Variants in NRG4 observed in about 807,000 individuals in gnomAD.
The protein encoded by NRG4 is pro-neuregulin-4, membrane-bound isoform.
NRG4 carries 10 observed loss-of-function variants against 15.0 expected under a neutral mutation model. That is an observed-to-expected ratio of 0.67 (90% confidence interval 0.41 to 1.13). The LOEUF (loss-of-function observed/expected upper bound fraction) is 1.13, where lower values mean the gene tolerates loss of function less well. NRG4 is among the 50% of genes most tolerant of loss of function. The pLI is 0.00. For missense variants in NRG4, 139 were observed against 140.2 expected (o/e 0.99, Z 0.04); for synonymous variants, 41 against 50.1 (o/e 0.82, Z 0.77).
intron 3 of NRG4, among the ~76,000 whole-genome samples, chr15:76,006,052 A>G (rs112654132): frequency 9.9e-4 from 151 of 152,330 alleles, no homozygotes; most frequent in South Asian, 8.1e-3. Flanking sequence ...AGCTGGACAG[A>G]TGATGAGAAT....
intron 5 of NRG4, among the ~76,000 whole-genome samples, chr15:76,023,476 T>C (rs2035221639): frequency 6.6e-6 from 1 of 152,122 alleles, no homozygotes; most frequent in Non-Finnish European, 1.5e-5. Flanking sequence ...TTACTACAGG[T>C]GAATCCCACA....
At chr15:76,047,734 C>T (rs1392312898) in intron 4 of NRG4, among the ~76,000 whole-genome samples, 2 of 149,348 alleles carry the variant, frequency 1.3e-5, no homozygotes, top group East Asian at 1.9e-4. Flanking sequence ...TATTTTACCT[C>T]AAAAAAAGTG....
intron 5 of NRG4, among the ~76,000 whole-genome samples, chr15:75,947,667 T>C (rs968056029): frequency 6.6e-6 from 1 of 152,220 alleles, no homozygotes; most frequent in Non-Finnish European, 1.5e-5. Context: ...AGGAGTGGAA[T>C]TGCTAGATAA....
intron 5 of NRG4, among the ~76,000 whole-genome samples, chr15:75,946,585 T>C (rs989665788): frequency 1.4e-4 from 22 of 152,212 alleles, no homozygotes; most frequent in African/African-American, 5.3e-4. Flanking sequence ...GGTCTCGATC[T>C]CCTGACCTCG....
chr15:75,957,030 A>C (rs2032274814), intron 4 of NRG4, among the ~76,000 whole-genome samples: 2 of 152,066 alleles, frequency 1.3e-5, no homozygotes, highest in Admixed American at 1.3e-4. Flanking sequence ...AGACATTTTA[A>C]TACTCATCTT....
chr15:75,950,617 AT>A (rs2031820436), intron 5 of NRG4: 3 of 241,352 alleles, frequency 1.2e-5, no homozygotes, highest in Non-Finnish European at 1.8e-5. Context: ...ATGTGTCAAG[AT>A]TTGGATCTGT....
At chr15:76,046,317 C>T (rs369400298) in intron 4 of NRG4, among the ~76,000 whole-genome samples, 4 of 151,040 alleles carry the variant, frequency 2.6e-5, no homozygotes, top group Admixed American at 1.3e-4. Flanking sequence ...TATCAAAATG[C>T]GAACGGCGTT....
chr15:76,039,944 G>C (rs2035690117), intron 4 of NRG4, among the ~76,000 whole-genome samples: 2 of 152,054 alleles, frequency 1.3e-5, no homozygotes, highest in Admixed American at 1.3e-4. Flanking sequence ...TGAGGCATGA[G>C]AATCATTTGA....
chr15:75,986,652 C>A (rs1235234154), intron 3 of NRG4, among the ~76,000 whole-genome samples: 1 of 151,992 alleles, frequency 6.6e-6, no homozygotes, highest in Admixed American at 6.6e-5. Context: ...TTACTATAAA[C>A]CTTTTATTAT....
chr15:75,959,993 C>G (rs1489849752), intron 4 of NRG4, among the ~76,000 whole-genome samples: 3 of 152,090 alleles, frequency 2.0e-5, no homozygotes, highest in Non-Finnish European at 4.4e-5. Context: ...TAGTAAAGCC[C>G]TGCTTGCCAA....
intron 3 of NRG4, among the ~76,000 whole-genome samples, chr15:75,978,868 A>AT (rs1381467204): frequency 6.6e-6 from 1 of 151,950 alleles, no homozygotes; most frequent in East Asian, 1.9e-4. Context: ...TTACATGTCC[A>AT]TTTTTTTCAA....
chr15:76,042,932 A>C (rs768469117), intron 4 of NRG4, among the ~76,000 whole-genome samples: 1 of 152,178 alleles, frequency 6.6e-6, no homozygotes, highest in Non-Finnish European at 1.5e-5. Context: ...ACCAAATTCA[A>C]CAACATACTA....
chr15:76,013,396 T>C (rs1423874011), upstream of NRG4, among the ~76,000 whole-genome samples: 1 of 152,134 alleles, frequency 6.6e-6, no homozygotes, highest in African/African-American at 2.4e-5. Flanking sequence ...ATGTGCAGAA[T>C]ATGCAGGTTT....
chr15:76,054,605 G>C (rs2036108755), intron 2 of NRG4, among the ~76,000 whole-genome samples: 1 of 152,168 alleles, frequency 6.6e-6, no homozygotes, highest in South Asian at 2.1e-4. Context: ...AGTAGAGACA[G>C]AGTTTCGCCA....
intron 3 of NRG4, among the ~76,000 whole-genome samples, chr15:75,990,314 C>G (rs1225642022): frequency 6.6e-6 from 1 of 152,128 alleles, no homozygotes. Context: ...CCTCTGATCT[C>G]TTTCTCCTCA....
chr15:76,013,112 C>T (rs2034868710), upstream of NRG4, among the ~76,000 whole-genome samples: 1 of 152,080 alleles, frequency 6.6e-6, no homozygotes, highest in East Asian at 1.9e-4. Context: ...TTTTCTAAAA[C>T]GACAATTCAG....
chr15:76,024,498 TGAACAG>T (rs1381835979), intron 5 of NRG4, among the ~76,000 whole-genome samples: 22 of 152,326 alleles, frequency 1.4e-4, no homozygotes, highest in African/African-American at 5.1e-4. Flanking sequence ...TCAGGCCAGC[TGAACAG>T]CTGTGCACCC....
At position 76,045,114 on chromosome 15, in the gene NRG4, G is replaced by A. The variant is rs1040111555; in HGVS notation, c.-105+6953C>T. 4.6e-5 allele frequency among the ~76,000 whole-genome samples: 7 copies of A among 150,844 alleles called. 1 individual carries two copies. Among genetic ancestry groups the A allele is most frequent in the Admixed American group, 3.3e-4 (5 of 15,194 alleles). ...TATAGGAAAAAAACCTGATAATCTG[G>A]TATTAAAATGGACAGAAGATCTGAA... On this transcript the variant is annotated intron_variant, in intron 4 of 8. Coordinates refer to the NRG4 transcript ENST00000563910.
chr15:76,014,460 G>A (rs569343153), upstream of NRG4, among the ~76,000 whole-genome samples: 17 of 152,014 alleles, frequency 1.1e-4, no homozygotes, highest in Non-Finnish European at 2.1e-4. Flanking sequence ...TTCTTTCTAG[G>A]GTTTTTATGG....
Sources: allele counts gnomAD v4.1 joint callset (sites outside exome capture counted in the v4.1 genomes callset), GRCh38; gene constraint gnomAD v4.1.1; transcripts MANE v1.5; gene names NCBI Gene and HGNC (gene_info 2026-07-23, HGNC 2026-07-21).